Variants in RPS6KA2 observed in about 807,000 individuals in gnomAD.
RPS6KA2 encodes ribosomal protein S6 kinase A2, also known as ribosomal protein S6 kinase alpha-2.
RPS6KA2 carries 42 observed loss-of-function variants against 91.8 expected under a neutral mutation model. That is an observed-to-expected ratio of 0.46 (90% CI 0.36 to 0.59). RPS6KA2 has a LOEUF of 0.59. Among genes scored for constraint, RPS6KA2 ranks in the 20% least tolerant of loss-of-function variants. The pLI, the probability that RPS6KA2 is intolerant of heterozygous loss-of-function variation, is 0.00. For missense variants in RPS6KA2, 798 were observed against 978.5 expected, an observed-to-expected ratio of 0.82 and a Z score of 2.46; for synonymous variants, 414 against 393.6, an observed-to-expected ratio of 1.05 and a Z score of -0.61.
intron 1 of RPS6KA2, among the ~76,000 whole-genome samples, chr6:166,558,364 T>G (rs1368423967): frequency 1.3e-5 from 2 of 152,186 alleles, no homozygotes; most frequent in African/African-American, 4.8e-5. Context: ...CTGTTCAGAC[T>G]TTGGCTGGTG....
chr6:166,727,929 A>T (rs6456111), intron 2 of RPS6KA2, among the ~76,000 whole-genome samples: 16,035 of 152,194 alleles, frequency 0.11, 2,823 homozygotes, highest in African/African-American at 0.36. Flanking sequence ...GAATTCAACC[A>T]ACTGAGGACC....
At chr6:166,713,048 T>G (rs1355741859) in intron 2 of RPS6KA2, among the ~76,000 whole-genome samples, 1 of 152,238 alleles carries the variant, frequency 6.6e-6, no homozygotes, top group East Asian at 1.9e-4. Flanking sequence ...ATGACACGTC[T>G]GTCCCTGGAG....
intron 2 of RPS6KA2, among the ~76,000 whole-genome samples, chr6:166,790,371 C>A (rs1001310450): frequency 1.3e-5 from 2 of 152,104 alleles, no homozygotes; most frequent in Admixed American, 1.3e-4. Context: ...CGTGAAAAGA[C>A]CAAATCTACA....
At chr6:166,685,305 A>ACAG (rs1788978740) in intron 2 of RPS6KA2, among the ~76,000 whole-genome samples, 3 of 52,564 alleles carry the variant, frequency 5.7e-5, no homozygotes, top group African/African-American at 8.8e-5. Flanking sequence ...TGCAGGCTGG[A>ACAG]AGGACAGAGG....
At chr6:166,564,159 T>C (rs111802677) in intron 1 of RPS6KA2, among the ~76,000 whole-genome samples, 298 of 152,336 alleles carry the variant, frequency 2.0e-3, no homozygotes, top group African/African-American at 7.0e-3. Context: ...AAAATCCATT[T>C]TGTGAAGCAG....
chr6:166,849,168 G>A lies in RPS6KA2; in HGVS notation c.123+9032C>T, dbSNP rs999292893. Among the ~76,000 whole-genome samples, 1 of 152,082 alleles carries A rather than the reference G, an allele frequency of 6.6e-6. No individual in the cohort carries two copies. The highest frequency in any genetic ancestry group is 1.9e-4 in the East Asian group (1 of 5,154). On this transcript the variant is annotated intron_variant, in intron 2 of 21. Coordinates refer to the RPS6KA2 transcript ENST00000503859. The surrounding 1 kb of genome is among the most constrained non-coding windows in gnomAD (Gnocchi z 4.9). Reference sequence around the variant, plus strand: ...CGGCCATGCCAGGGTCTGTCTGTCTGTCTGTCTGGGACAATCCACCCCTGG... The same window carrying A: ...CGGCCATGCCAGGGTCTGTCTGTCTATCTGTCTGGGACAATCCACCCCTGG...
At chr6:166,631,761 G>C (rs915786306), upstream of RPS6KA2, among the ~76,000 whole-genome samples, 1 of 152,144 alleles carries the variant, frequency 6.6e-6, no homozygotes, top group South Asian at 2.1e-4. Flanking sequence ...TTTTCTCTTT[G>C]AGACAGTGGA....
At chr6:166,538,269 T>C (rs966202822) in intron 2 of RPS6KA2, among the ~76,000 whole-genome samples, 1 of 152,108 alleles carries the variant, frequency 6.6e-6, no homozygotes, top group African/African-American at 2.4e-5. Context: ...GAGGAATGGA[T>C]TCTTTTCTTT....
chr6:166,753,371 A>T (rs1425966863), intron 2 of RPS6KA2, among the ~76,000 whole-genome samples: 4 of 152,240 alleles, frequency 2.6e-5, no homozygotes, highest in Non-Finnish European at 4.4e-5. Flanking sequence ...ACTTCAGAAA[A>T]TTAACCTCTG....
At chr6:166,632,216 C>A (rs1376082155), upstream of RPS6KA2, among the ~76,000 whole-genome samples, 1 of 152,162 alleles carries the variant, frequency 6.6e-6, no homozygotes, top group Non-Finnish European at 1.5e-5. Flanking sequence ...CCTGTGTTGC[C>A]CGCAGGTAGC....
rs1041554619 is a variant in RPS6KA2 at position 166,639,675 on chromosome 6, C to T, written c.124-100891G>A. On this transcript the variant is annotated intron_variant, in intron 2 of 21. Coordinates refer to the RPS6KA2 transcript ENST00000503859. The surrounding 1 kb of genome is among the most constrained non-coding windows in gnomAD (Gnocchi z 4.2). Reference sequence around the variant, plus strand: ...CTAAGAAGATGAACTGTGGTGTCTCCGTGACATCATTCACGCAGTGGCCAC... The same window carrying T: ...CTAAGAAGATGAACTGTGGTGTCTCTGTGACATCATTCACGCAGTGGCCAC... Among the ~76,000 whole-genome samples the T allele has an allele frequency of 6.6e-6, 1 of 152,148 alleles. No individual in the cohort carries two copies. The highest frequency in any genetic ancestry group is 1.5e-5 in the Non-Finnish European group (1 of 68,022).
Position 166,767,545 on chromosome 6 carries a change from G to A in RPS6KA2, c.123+90655C>T, listed in dbSNP as rs1415340445. ...GTCACCCAGGAGCCCTTCAGACTGC[G>A]CTCCACTTGCCAGCAAGCCTCAAAG... On this transcript the variant is annotated intron_variant, in intron 2 of 21. Transcript: ENST00000503859. This position sits in a 1 kb window ranked among gnomAD's most constrained non-coding sequence, Gnocchi z 4.6. Among the ~76,000 whole-genome samples the A allele has an allele frequency of 4.6e-5, 7 of 152,124 alleles. No homozygotes were observed. The highest frequency in any genetic ancestry group is 2.0e-4 in the Admixed American group (3 of 15,276).
intron 2 of RPS6KA2, among the ~76,000 whole-genome samples, chr6:166,647,838 A>G (rs948704757): frequency 1.6e-5 from 2 of 127,090 alleles, no homozygotes; most frequent in African/African-American, 2.9e-5. Context: ...GCACATGCTC[A>G]CACACGCACA....
chr6:166,500,900 G>A lies in RPS6KA2; in HGVS notation c.591C>T (p.His197=), dbSNP rs2128478225. The change falls in exon 7 of 21, where the codon CAC becomes CAT. Residue 197 remains histidine (H), a synonymous_variant. Coordinates refer to ENST00000265678, the MANE Select transcript of RPS6KA2 (RefSeq NM_021135.6). This position sits in a 1 kb window ranked among gnomAD's most constrained non-coding sequence, Gnocchi z 4.3. ...TCTTTTACAAACCTGTGATCTTAATGTGCCCCTCTTCATCCAGGAGGATGC... is the reference window on the plus strand; with the variant it reads ...TCTTTTACAAACCTGTGATCTTAATATGCCCCTCTTCATCCAGGAGGATGC... The part of the protein sequence containing the change: ...PENILLDEEG[H]IKITDFGLSK... 6.2e-7 allele frequency: 1 copy of A among 1,614,060 alleles called. No individual in the cohort carries two copies. The highest frequency in any genetic ancestry group is 8.5e-7 in the Non-Finnish European group (1 of 1,179,946).
At chr6:166,604,099 A>G (rs1785850189) in intron 1 of RPS6KA2, among the ~76,000 whole-genome samples, 1 of 152,218 alleles carries the variant, frequency 6.6e-6, no homozygotes, top group Non-Finnish European at 1.5e-5. Context: ...AGCTCCAGAG[A>G]AGGTGCCTCT....
chr6:166,692,606 C>T (rs6926551), intron 2 of RPS6KA2, among the ~76,000 whole-genome samples: 36,088 of 152,084 alleles, frequency 0.24, 6,631 homozygotes, highest in African/African-American at 0.52. Context: ...CTACTCTAAG[C>T]TGCATATTAA....
chr6:166,694,995 G>C (rs117407830), intron 2 of RPS6KA2, among the ~76,000 whole-genome samples: 1 of 152,276 alleles, frequency 6.6e-6, no homozygotes, highest in East Asian at 1.9e-4. Context: ...TAGGCTATGG[G>C]ATCAGCTCTG....
Position 166,737,663 on chromosome 6 carries a change from C to T in RPS6KA2, c.123+120537G>A, listed in dbSNP as rs1025605247. On this transcript the variant is annotated intron_variant, in intron 2 of 21. Coordinates refer to the RPS6KA2 transcript ENST00000503859. The surrounding 1 kb of genome is among the most constrained non-coding windows in gnomAD (Gnocchi z 4.3). ...GGCCCCTCCCAGCTTTCCAGGCTAACGTCCGGATAATCCCCCCAGGTACCT... is the reference window on the plus strand; with the variant it reads ...GGCCCCTCCCAGCTTTCCAGGCTAATGTCCGGATAATCCCCCCAGGTACCT... Among the ~76,000 whole-genome samples, 3 of 152,166 alleles carry T rather than the reference C, an allele frequency of 2.0e-5. No individual in the cohort carries two copies. The highest frequency in any genetic ancestry group is 4.4e-5 in the Non-Finnish European group (3 of 68,028).
chr6:166,448,623 G>C lies in RPS6KA2; in HGVS notation c.1332+101C>G. ...TGCTCCCACACGCTGCACTCACACA[G>C]GGCCCTGCTATGCTCCTATGCTCCG... On this transcript the variant is annotated intron_variant, in intron 14 of 20. Coordinates refer to ENST00000265678, the MANE Select transcript of RPS6KA2 (RefSeq NM_021135.6). The surrounding 1 kb of genome is among the most constrained non-coding windows in gnomAD (Gnocchi z 4.7). 7.1e-7 allele frequency: 1 copy of C among 1,404,394 alleles called. No homozygotes were observed. Among genetic ancestry groups the C allele is most frequent in the Non-Finnish European group, 9.6e-7 (1 of 1,042,064 alleles). The allele number at this position is 1,404,394 out of a possible 1,614,324, so 87.0% of individuals were successfully genotyped here. A position where few individuals can be genotyped will look rare whatever the true frequency, so the allele number is the denominator to read the frequency against.
Sources: allele counts gnomAD v4.1 joint callset (sites outside exome capture counted in the v4.1 genomes callset), GRCh38; gene constraint gnomAD v4.1.1; non-coding constraint Gnocchi (gnomAD v3.1); transcripts MANE v1.5; gene names NCBI Gene and HGNC (gene_info 2026-07-23, HGNC 2026-07-21).